The following FBXO38 variants were observed in gnomAD, a reference collection of about 807,000 sequenced individuals.
The protein encoded by FBXO38 is F-box only protein 38.
Under a neutral mutation model 131.9 loss-of-function variants are expected in FBXO38, and 53 were observed. The ratio of observed to expected loss-of-function variants is 0.40; its 90% confidence interval spans 0.32 to 0.51. The LOEUF (loss-of-function observed/expected upper bound fraction) is 0.51. FBXO38 is among the 20% of genes least tolerant of loss of function. The pLI is 0.53. For missense variants in FBXO38, 1,076 were observed against 1,475.6 expected, an observed-to-expected ratio of 0.73 and a Z score of 4.44; for synonymous variants, 452 against 505.6, an observed-to-expected ratio of 0.89 and a Z score of 1.42.
chr5:148,399,236 A>G, intron 3 of FBXO38, 104 bp downstream of exon 3: 1 of 1,336,324 alleles, frequency 7.5e-7, no homozygotes, highest in Non-Finnish European at 1.0e-6. Context: ...AATCTAAGTC[A>G]CCTTGTAGGC....
At chr5:148,416,215 T>A (rs1753045196) in intron 11 of FBXO38, 145 bp downstream of exon 11, 1 of 684,032 alleles carries the variant, frequency 1.5e-6, no homozygotes, top group South Asian at 2.4e-5. Context: ...AGTGAAGGCA[T>A]AAAGGTTGTA....
At chr5:148,392,447 C>A (rs1758244577) in intron 1 of FBXO38, among the ~76,000 whole-genome samples, 1 of 151,838 alleles carries the variant, frequency 6.6e-6, no homozygotes, top group Non-Finnish European at 1.5e-5. Context: ...TGAAGGAGTT[C>A]ATTTTGAACA....
In FBXO38 at chr5:148,404,816, T is replaced by C. The variant is rs1752347959; in HGVS notation, c.724T>C (p.Cys242Arg). 6.2e-7 allele frequency: 1 copy of C among 1,602,762 alleles called. No individual in the cohort carries two copies. Among genetic ancestry groups the C allele is most frequent in the South Asian group, 1.1e-5 (1 of 87,634 alleles). ...CTTAAGAACTTTCGTCATGAGGAACTGTGCAGGTAATGGTACACAATTATG... is the reference window on the plus strand; with the variant it reads ...CTTAAGAACTTTCGTCATGAGGAACCGTGCAGGTAATGGTACACAATTATG... The part of the protein sequence containing the change: ...ISLRTFVMRN[C>R]AGPTNSLKYV... Residue 242 changes from cysteine (C) to arginine (R), a missense_variant, in exon 6 of 22, where the codon TGT becomes CGT. Around this residue, in one of 8 missense-constraint regions of FBXO38, gnomAD observed 66 missense variants for 72.4 expected, o/e 0.91. Coordinates refer to ENST00000340253, the MANE Select transcript of FBXO38 (RefSeq NM_205836.3).
intron 13 of FBXO38, among the ~76,000 whole-genome samples, chr5:148,425,173 A>C (rs1215840043): frequency 6.6e-6 from 1 of 152,172 alleles, no homozygotes; most frequent in Non-Finnish European, 1.5e-5. Flanking sequence ...CTTAGTTTTA[A>C]AATTATTATC....
At position 148,414,151 on chromosome 5, in the gene FBXO38, C is replaced by G. The variant is rs779899138; in HGVS notation, c.1109C>G (p.Ala370Gly). 2 of 1,603,912 alleles carry G rather than the reference C, an allele frequency of 1.2e-6. No homozygotes were observed. Among genetic ancestry groups the G allele is most frequent in the Non-Finnish European group, 1.7e-6 (2 of 1,176,490 alleles). Residue 370 changes from alanine (A) to glycine (G), a missense_variant, in exon 10 of 22, where the codon GCG (alanine) becomes GGG (glycine). Ala to Gly is a moderately conservative substitution (Grantham distance 60, BLOSUM62 0). Coordinates refer to ENST00000340253, the MANE Select transcript of FBXO38 (RefSeq NM_205836.3). Reference sequence around the variant, plus strand: ...CTCTTTTTAGGCAGAATGGCTAATGCGGATCTGGTGAAGTATGGTTTGGCT... The same window carrying G: ...CTCTTTTTAGGCAGAATGGCTAATGGGGATCTGGTGAAGTATGGTTTGGCT... Reference protein sequence around the residue: ...EFLLQSRMANADLVKYGLADV... With the variant: ...EFLLQSRMANGDLVKYGLADV...
At chr5:148,398,059 T>C (rs542421160) in intron 2 of FBXO38, among the ~76,000 whole-genome samples, 1 of 152,154 alleles carries the variant, frequency 6.6e-6, no homozygotes, top group East Asian at 1.9e-4. Flanking sequence ...TTGGCTAAAG[T>C]TAACAGCCAG....
chr5:148,388,183 G>A (rs1019393228), intron 1 of FBXO38, among the ~76,000 whole-genome samples: 2 of 152,178 alleles, frequency 1.3e-5, no homozygotes, highest in Admixed American at 6.5e-5. Context: ...ACTTTTCTGA[G>A]CAGTAGATCT....
chr5:148,419,471 A>G (rs1009302302), intron 12 of FBXO38, among the ~76,000 whole-genome samples: 2 of 152,232 alleles, frequency 1.3e-5, no homozygotes, highest in Non-Finnish European at 2.9e-5. Flanking sequence ...GTAATGGGGA[A>G]TTATGTTAAA....
intron 1 of FBXO38, among the ~76,000 whole-genome samples, chr5:148,386,276 T>C (rs1757909710): frequency 6.6e-6 from 1 of 152,174 alleles, no homozygotes; most frequent in Admixed American, 6.5e-5. Flanking sequence ...ACTGACTTGA[T>C]GATAGAATGT....
At chr5:148,404,152 T>C (rs1190285855) in intron 5 of FBXO38, among the ~76,000 whole-genome samples, 3 of 152,188 alleles carry the variant, frequency 2.0e-5, no homozygotes, top group Non-Finnish European at 4.4e-5. Context: ...TTCTTAAGAT[T>C]CATATATTTA....
Position 148,397,666 on chromosome 5 carries a change from A to G in FBXO38, c.129-1333A>G, listed in dbSNP as rs530206392. 3 of 152,286 alleles carry G rather than the reference A, an allele frequency of 2.0e-5. No homozygotes were observed. In the East Asian group the frequency reaches 5.8e-4, roughly 29 times the overall value. 9.4% of individuals were successfully genotyped at this position (152,286 alleles called of 1,614,324 possible). ...TAGAAAAAATAAATGGATCTGCTAA[A>G]TATTCAACAGGTATATGTGGACTTT... is the stretch of plus-strand genomic sequence containing the variant. On this transcript the variant is annotated intron_variant, in intron 2 of 21. Coordinates refer to ENST00000340253, the MANE Select transcript of FBXO38 (RefSeq NM_205836.3).
rs573392564 is a variant in FBXO38 at position 148,435,377 on chromosome 5, C to T, written c.2857+1640C>T. Among the ~76,000 whole-genome samples, 8 of 152,346 alleles carry T rather than the reference C, an allele frequency of 5.3e-5. No individual in the cohort carries two copies. In the South Asian group the frequency reaches 1.7e-3, roughly 32 times the overall value. ...CTTTTGAGAATTCTTCCTTGGTGTT[C>T]ACAACTTGGCTAACTGGCGCAAGAG... On this transcript the variant is annotated intron_variant, in intron 17 of 21. Coordinates refer to ENST00000340253, the MANE Select transcript of FBXO38 (RefSeq NM_205836.3).
chr5:148,396,839 C>G (rs1266741815), intron 2 of FBXO38, among the ~76,000 whole-genome samples: 1 of 152,086 alleles, frequency 6.6e-6, no homozygotes, highest in East Asian at 1.9e-4. Flanking sequence ...CTTCTGGCCT[C>G]AAGCAATCCT....
rs142263196 is a variant in FBXO38, at chr5:148,415,968, A to T, written c.1305A>T (p.Val435=). ...CTCGATTGGTTGATATCAACCTAGT[A>T]CGGTGCCATGCTTTGAAGCTGGACT... The part of the protein sequence containing the change: ...RWTRLVDINL[V]RCHALKLDSF... Residue 435 remains valine, a synonymous_variant, in exon 11 of 22, where the codon GTA becomes GTT. Transcript: ENST00000340253. The T allele has an allele frequency of 5.6e-6, 9 of 1,613,522 alleles. No homozygotes were observed. The highest frequency in any genetic ancestry group is 7.6e-6 in the Non-Finnish European group (9 of 1,179,678).
At chr5:148,437,390 C>T (rs1272994116) in intron 17 of FBXO38, among the ~76,000 whole-genome samples, 1 of 152,220 alleles carries the variant, frequency 6.6e-6, no homozygotes, top group Admixed American at 6.5e-5. Flanking sequence ...CCCCTTCTTT[C>T]CACCAAGTCA....
chr5:148,396,963 A>C (rs963557041), intron 2 of FBXO38, among the ~76,000 whole-genome samples: 2 of 152,188 alleles, frequency 1.3e-5, no homozygotes, highest in Admixed American at 1.3e-4. Context: ...TTCAAACAGA[A>C]TATTCAAATG....
chr5:148,402,556 C>T, intron 5 of FBXO38, 43 bp downstream of exon 5: 2 of 1,414,300 alleles, frequency 1.4e-6, no homozygotes, highest in South Asian at 1.4e-5. Flanking sequence ...CCTTGAAATG[C>T]CATAAAATGT....
rs1047521757 is a variant in FBXO38 at position 148,424,057 on chromosome 5, A to C, written c.1678A>C (p.Asn560His). ...TGGAGAGGTGGTGGCCGAGAGTGGA[A>C]ATAATACTCCAGCTCACAGCCAGGC... is the stretch of plus-strand genomic sequence containing the variant. ...EDGEVVAESG[N>H]NTPAHSQAII... The change falls in exon 13 of 22, where the codon AAT becomes CAT. Residue 560 changes from asparagine (N) to histidine (H), a missense_variant. By Grantham distance (68) the Asn-to-His change is moderately conservative. Around this residue, in one of 8 missense-constraint regions of FBXO38, gnomAD observed 212 missense variants for 221.2 expected, o/e 0.96. Coordinates refer to ENST00000340253, the MANE Select transcript of FBXO38 (RefSeq NM_205836.3). The C allele has an allele frequency of 2.5e-6, 4 of 1,613,700 alleles. No homozygotes were observed. In the African/African-American group the frequency reaches 4.0e-5, roughly 16 times the overall value.
At chr5:148,413,528 T>C (rs1393442488) in intron 9 of FBXO38, 1 of 152,172 alleles carries the variant, frequency 6.6e-6, no homozygotes, top group Non-Finnish European at 1.5e-5. Flanking sequence ...TGATTCTTAG[T>C]GACATGATCT....
Sources: gnomAD v4.1 joint callset for allele counts (sites outside exome capture counted in the v4.1 genomes callset) on GRCh38, gnomAD v4.1.1 for gene constraint, gnomAD v4.1.1 regional missense constraint, MANE v1.5 for transcripts, NCBI Gene and HGNC (gene_info 2026-07-23, HGNC 2026-07-21) for gene names.